The following HSD17B12 variants were observed in gnomAD, a reference collection of about 807,000 sequenced individuals.
HSD17B12 encodes the protein hydroxysteroid 17-beta dehydrogenase 12.
Under a neutral mutation model 39.3 loss-of-function variants are expected in HSD17B12, and 32 were observed. The observed-to-expected ratio is 0.81, with a 90% CI of 0.61 to 1.09. HSD17B12 has a LOEUF of 1.09. Among genes scored for constraint, HSD17B12 ranks in the 50% least tolerant of loss-of-function variants. The pLI is 0.00. For missense variants in HSD17B12, 342 were observed against 382.9 expected (o/e 0.89, Z 0.89); for synonymous variants, 150 against 146.7 (o/e 1.02, Z -0.16).
the HSD17B12 span, among the ~76,000 whole-genome samples, chr11:43,654,337 C>T: frequency 6.6e-6 from 1 of 152,094 alleles, no homozygotes; most frequent in South Asian, 2.1e-4. Context: ...TTCTCCCATT[C>T]TGTAGGTTGC....
At chr11:43,695,946 A>C (rs1390877477) in intron 1 of HSD17B12, among the ~76,000 whole-genome samples, 3 of 152,152 alleles carry the variant, frequency 2.0e-5, no homozygotes, top group Non-Finnish European at 2.9e-5. Context: ...TTCATCACCG[A>C]GGTATTAAGC....
chr11:43,790,072 C>A (rs575955120), intron 3 of HSD17B12, among the ~76,000 whole-genome samples: 12 of 152,196 alleles, frequency 7.9e-5, no homozygotes, highest in African/African-American at 2.9e-4. Context: ...AGAAAATTCA[C>A]CAATTAAACT....
intron 9 of HSD17B12, 112 bp from the exon 10 acceptor site, chr11:43,854,603 T>C: frequency 8.4e-7 from 1 of 1,185,632 alleles, no homozygotes; most frequent in East Asian, 2.4e-5. Flanking sequence ...TCTCTCTCTG[T>C]AAAGATACAG....
At chr11:43,613,632 A>G in the HSD17B12 span, among the ~76,000 whole-genome samples, 5 of 151,394 alleles carry the variant, frequency 3.3e-5, no homozygotes, top group African/African-American at 9.7e-5. Flanking sequence ...TGGCCTATGA[A>G]TTATTATTTG....
At chr11:43,672,369 A>G in the HSD17B12 span, among the ~76,000 whole-genome samples, 1 of 151,770 alleles carries the variant, frequency 6.6e-6, no homozygotes, top group East Asian at 2.0e-4. Flanking sequence ...TTTTTAGTGA[A>G]GACATCTTGG....
At chr11:43,744,377 T>C (rs554590144) in intron 1 of HSD17B12, among the ~76,000 whole-genome samples, 8 of 152,044 alleles carry the variant, frequency 5.3e-5, no homozygotes, top group Non-Finnish European at 1.0e-4. Context: ...GCAGGTTACA[T>C]AGAAATGGTG....
chr11:43,613,261 G>A, the HSD17B12 span, among the ~76,000 whole-genome samples: 14 of 152,078 alleles, frequency 9.2e-5, no homozygotes, highest in East Asian at 1.9e-4. Context: ...ACATGGTGGC[G>A]CATGCCTGTA....
upstream of HSD17B12, among the ~76,000 whole-genome samples, chr11:43,679,545 G>A (rs927259195): frequency 3.9e-5 from 6 of 152,130 alleles, no homozygotes; most frequent in Admixed American, 1.3e-4. Flanking sequence ...TAGTTCCCAT[G>A]CCTCTATCTG....
At chr11:43,571,360 T>C in the HSD17B12 span, among the ~76,000 whole-genome samples, 2 of 152,250 alleles carry the variant, frequency 1.3e-5, no homozygotes, top group Non-Finnish European at 2.9e-5. Context: ...TCAAGTGTGC[T>C]GGAATCCTGA....
At chr11:43,690,243 T>C (rs1949840698) in intron 1 of HSD17B12, among the ~76,000 whole-genome samples, 1 of 151,152 alleles carries the variant, frequency 6.6e-6, no homozygotes, top group Admixed American at 6.6e-5. Context: ...ATGTGAGCAC[T>C]GTAAGGCAAG....
chr11:43,786,037 T>C (rs190805852), intron 3 of HSD17B12, among the ~76,000 whole-genome samples: 1 of 152,354 alleles, frequency 6.6e-6, no homozygotes, highest in East Asian at 1.9e-4. Context: ...AATGTTATCA[T>C]GGACAACAAA....
At chr11:43,771,846 C>T (rs371917898) in intron 3 of HSD17B12, among the ~76,000 whole-genome samples, 46 of 152,236 alleles carry the variant, frequency 3.0e-4, no homozygotes, top group African/African-American at 1.1e-3. Context: ...ATACCGAGTA[C>T]ATTTCTCAAG....
the HSD17B12 span, among the ~76,000 whole-genome samples, chr11:43,620,149 T>C: frequency 9.2e-5 from 14 of 152,228 alleles, no homozygotes; most frequent in Admixed American, 3.9e-4. Context: ...AGAGCAGGCC[T>C]CTCAATGTCT....
At chr11:43,786,586 T>A (rs928573177) in intron 3 of HSD17B12, among the ~76,000 whole-genome samples, 12 of 152,206 alleles carry the variant, frequency 7.9e-5, no homozygotes, top group African/African-American at 2.4e-4. Flanking sequence ...TATTTTTGGG[T>A]GCTGGGCATC....
chr11:43,744,973 G>A (rs886985897), intron 1 of HSD17B12, among the ~76,000 whole-genome samples: 7 of 152,312 alleles, frequency 4.6e-5, no homozygotes, highest in Non-Finnish European at 7.4e-5. Context: ...AAGGCAGCCC[G>A]CCTTTGGCTG....
At position 43,730,965 on chromosome 11, in the gene HSD17B12, A is replaced by G. The variant is rs185009423; in HGVS notation, c.161-19946A>G. On this transcript the variant is annotated intron_variant, in intron 1 of 10. Coordinates refer to ENST00000278353, the MANE Select transcript of HSD17B12 (RefSeq NM_016142.3). ...TAAAATCCAGGGTCTCTGTTTTTGG[A>G]GAATTTGCCCACTTCTTATATGAAG... 3.8e-3 allele frequency among the ~76,000 whole-genome samples: 585 copies of G among 152,092 alleles called. 5 individuals are homozygous for G. The highest frequency in any genetic ancestry group is 0.013 in the African/African-American group (537 of 41,470).
At chr11:43,666,002 G>C in the HSD17B12 span, among the ~76,000 whole-genome samples, 1 of 152,226 alleles carries the variant, frequency 6.6e-6, no homozygotes, top group South Asian at 2.1e-4. Flanking sequence ...GGTTGTATGT[G>C]GTTAACCACA....
the HSD17B12 span, among the ~76,000 whole-genome samples, chr11:43,571,605 G>T: frequency 2.6e-5 from 4 of 152,296 alleles, no homozygotes; most frequent in African/African-American, 9.6e-5. Flanking sequence ...TCGATAATGG[G>T]GTTGTGCGAA....
intron 1 of HSD17B12, among the ~76,000 whole-genome samples, chr11:43,695,468 C>G (rs977948170): frequency 2.0e-5 from 3 of 151,928 alleles, no homozygotes; most frequent in African/African-American, 7.3e-5. Context: ...ATCCCAGCTA[C>G]TTGGGAGGCT....
Sources: allele counts gnomAD v4.1 joint callset (sites outside exome capture counted in the v4.1 genomes callset), GRCh38; gene constraint gnomAD v4.1.1; transcripts MANE v1.5; gene names NCBI Gene and HGNC (gene_info 2026-07-23, HGNC 2026-07-21).